The following ARMH4 variants were observed in gnomAD, a reference collection of about 807,000 sequenced individuals.
ARMH4 encodes armadillo-like helical domain-containing protein 4.
A neutral mutation model predicts 61.9 loss-of-function variants in ARMH4; 49 were observed. The ratio of observed to expected loss-of-function variants is 0.79; its 90% CI spans 0.63 to 1.00. The LOEUF (loss-of-function observed/expected upper bound fraction) is 1.00. ARMH4 is among the 50% of genes least tolerant of loss of function. The pLI is 0.00. For missense variants in ARMH4, 934 were observed against 930.0 expected (o/e 1.00, Z -0.06); for synonymous variants, 368 against 341.5 (o/e 1.08, Z -0.85).
intron 1 of ARMH4, among the ~76,000 whole-genome samples, chr14:58,149,165 T>C (rs1393652241): frequency 6.6e-6 from 1 of 152,200 alleles, no homozygotes; most frequent in Non-Finnish European, 1.5e-5. Flanking sequence ...GCCAATACTA[T>C]TGTATTTACT....
In ARMH4 at chr14:58,016,724, T is replaced by C. The variant is rs114675989; in HGVS notation, c.2090-4574A>G. ...AATTCACTCTAATCCCACTGTTTTG[T>C]TATCTTTCTTGAAATTTTATTTAAT... On this transcript the variant is annotated intron_variant, in intron 5 of 7. Coordinates refer to ENST00000267485, the MANE Select transcript of ARMH4 (RefSeq NM_001001872.4). 7.7e-3 allele frequency among the ~76,000 whole-genome samples: 1,176 copies of C among 152,306 alleles called. 20 individuals are homozygous for C. The highest frequency in any genetic ancestry group is 0.027 in the African/African-American group (1,102 of 41,566).
intron 5 of ARMH4, among the ~76,000 whole-genome samples, chr14:58,050,458 C>T (rs558420938): frequency 3.0e-4 from 46 of 152,296 alleles, no homozygotes; most frequent in African/African-American, 1.1e-3. Context: ...AACCAATCAC[C>T]CATGTGAGTG....
intron 1 of ARMH4, among the ~76,000 whole-genome samples, chr14:58,151,352 T>G (rs1887912021): frequency 6.6e-6 from 1 of 152,096 alleles, no homozygotes; most frequent in Non-Finnish European, 1.5e-5. Context: ...CATGAGACAT[T>G]TGGGCACCTC....
intron 5 of ARMH4, among the ~76,000 whole-genome samples, chr14:58,057,152 A>G (rs1187361455): frequency 1.3e-5 from 2 of 152,234 alleles, no homozygotes; most frequent in Admixed American, 1.3e-4. Context: ...ATCTCAAACC[A>G]ATATAGTATA....
At position 58,098,945 on chromosome 14, in the gene ARMH4, G is replaced by A. The variant is rs1885856319; in HGVS notation, c.1832-1964C>T. On this transcript the variant is annotated intron_variant, in intron 4 of 7. Transcript: ENST00000267485. Reference sequence around the variant, plus strand: ...GGAGTCCACTTAAAAACCAGGAATAGATTATGGTGCTTTGGACTAGGGTAC... The same window carrying A: ...GGAGTCCACTTAAAAACCAGGAATAAATTATGGTGCTTTGGACTAGGGTAC... Among the ~76,000 whole-genome samples, 7 of 152,330 alleles carry A rather than the reference G, an allele frequency of 4.6e-5. No homozygotes were observed. In the South Asian group the frequency reaches 1.2e-3, roughly 27 times the overall value.
intron 5 of ARMH4, among the ~76,000 whole-genome samples, chr14:58,070,708 AAC>A (rs778742678): frequency 2.0e-5 from 3 of 152,342 alleles, no homozygotes; most frequent in Non-Finnish European, 2.9e-5. Context: ...TTGAGTGACA[AAC>A]AGTCCAATTA....
intron 5 of ARMH4, among the ~76,000 whole-genome samples, chr14:58,079,358 G>A (rs533112919): frequency 1.3e-5 from 2 of 152,208 alleles, no homozygotes; most frequent in African/African-American, 4.8e-5. Context: ...AAGGGCAAGA[G>A]AGCACATACA....
intron 5 of ARMH4, among the ~76,000 whole-genome samples, chr14:58,012,577 G>A (rs1882449184): frequency 6.6e-6 from 1 of 152,172 alleles, no homozygotes; most frequent in Non-Finnish European, 1.5e-5. Flanking sequence ...AAGGGAGGAA[G>A]GGAAAATAAG....
intron 5 of ARMH4, among the ~76,000 whole-genome samples, chr14:58,058,016 T>C (rs1053735653): frequency 6.6e-6 from 1 of 152,214 alleles, no homozygotes; most frequent in African/African-American, 2.4e-5. Flanking sequence ...CAGCATGTCA[T>C]AGGTTGTTTA....
At chr14:58,066,663 G>A (rs1462117032) in intron 5 of ARMH4, among the ~76,000 whole-genome samples, 1 of 152,176 alleles carries the variant, frequency 6.6e-6, no homozygotes, top group African/African-American at 2.4e-5. Context: ...TCGGAGAAAC[G>A]TTTTTAGCCA....
chr14:58,088,314 TA>T (rs912415355), intron 5 of ARMH4, among the ~76,000 whole-genome samples: 29 of 151,998 alleles, frequency 1.9e-4, no homozygotes, highest in African/African-American at 6.0e-4. Flanking sequence ...GATCTATGAA[TA>T]AAAAAAATTA....
At chr14:58,086,796 A>C (rs529365065) in intron 5 of ARMH4, among the ~76,000 whole-genome samples, 29 of 152,324 alleles carry the variant, frequency 1.9e-4, no homozygotes, top group African/African-American at 6.0e-4. Flanking sequence ...TGACTGGAAG[A>C]ATTTCAAAAG....
intron 5 of ARMH4, among the ~76,000 whole-genome samples, chr14:58,034,227 G>A (rs1883381283): frequency 7.4e-6 from 1 of 135,590 alleles, no homozygotes; most frequent in Non-Finnish European, 1.6e-5. Context: ...CTACAAGCCA[G>A]AAGAGAGTGG....
In ARMH4 at chr14:58,001,846, C is replaced by G. The variant is rs1035222079; in HGVS notation, c.*2890G>C. The G allele has an allele frequency of 6.6e-6, 1 of 152,114 alleles. No homozygotes were observed. Among genetic ancestry groups the G allele is most frequent in the African/African-American group, 2.4e-5 (1 of 41,404 alleles). 9.4% of individuals were successfully genotyped at this position (152,114 alleles called of 1,614,324 possible). A position where few individuals can be genotyped will look rare whatever the true frequency, so the allele number is the denominator to read the frequency against. On this transcript the variant is annotated 3_prime_UTR_variant, in exon 8 of 8. Transcript: ENST00000267485. ...ATTCTGGAAACACTGCCTCTCCCTC[C>G]GAGAAGAAGACCTAGTTCCTGCCCC...
At chr14:58,148,767 C>A (rs1315327833) in intron 1 of ARMH4, among the ~76,000 whole-genome samples, 1 of 151,694 alleles carries the variant, frequency 6.6e-6, no homozygotes, top group Non-Finnish European at 1.5e-5. Flanking sequence ...ATTTTGGCTA[C>A]TTATTTAACT....
At chr14:58,109,134 C>T (rs1886263981) in intron 4 of ARMH4, among the ~76,000 whole-genome samples, 1 of 152,050 alleles carries the variant, frequency 6.6e-6, no homozygotes, top group African/African-American at 2.4e-5. Flanking sequence ...TTCTAGCATC[C>T]TTTTATAAAA....
intron 5 of ARMH4, among the ~76,000 whole-genome samples, chr14:58,032,737 T>C (rs567822480): frequency 3.9e-5 from 6 of 152,090 alleles, no homozygotes; most frequent in African/African-American, 7.2e-5. Flanking sequence ...TTGCCTCACC[T>C]GGGAAGCGCA....
chr14:58,013,179 C>T (rs1253954087), intron 5 of ARMH4, among the ~76,000 whole-genome samples: 1 of 152,148 alleles, frequency 6.6e-6, no homozygotes, highest in Non-Finnish European at 1.5e-5. Context: ...TATGAAGAGT[C>T]AGATAGTTAA....
intron 5 of ARMH4, among the ~76,000 whole-genome samples, chr14:58,046,547 T>C (rs558100050): frequency 6.6e-6 from 1 of 152,270 alleles, no homozygotes; most frequent in South Asian, 2.1e-4. Flanking sequence ...TGAAAGACCA[T>C]CTACTTCAAA....
Sources: gnomAD v4.1 joint callset for allele counts (sites outside exome capture counted in the v4.1 genomes callset) on GRCh38, gnomAD v4.1.1 for gene constraint, MANE v1.5 for transcripts, NCBI Gene and HGNC (gene_info 2026-07-23, HGNC 2026-07-21) for gene names.